Variants in NRG3 observed in about 807,000 individuals in gnomAD.
NRG3 encodes the protein neuregulin 3, also known as pro-neuregulin-3, membrane-bound isoform.
NRG3 carries 31 observed loss-of-function variants against 66.9 expected under a neutral mutation model. The observed-to-expected ratio is 0.46, with a 90% CI of 0.35 to 0.63. NRG3 has a LOEUF of 0.63. NRG3 is among the 20% of genes least tolerant of loss of function. The pLI is 0.00. For missense variants in NRG3, 910 were observed against 878.9 expected (o/e 1.04, Z -0.45); for synonymous variants, 393 against 359.4 (o/e 1.09, Z -1.06).
chr10:82,719,132 G>A (rs1214725023), intron 2 of NRG3, among the ~76,000 whole-genome samples: 1 of 152,184 alleles, frequency 6.6e-6, no homozygotes, highest in Non-Finnish European at 1.5e-5. Context: ...GTGCAGTGAG[G>A]AAGTAGTGAA....
At chr10:82,455,276 G>A (rs57485504) in intron 2 of NRG3, among the ~76,000 whole-genome samples, 1 of 152,148 alleles carries the variant, frequency 6.6e-6, no homozygotes, top group African/African-American at 2.4e-5. Flanking sequence ...GTGTACTTAA[G>A]CAAACATACA....
At chr10:82,271,863 G>A (rs1252707305) in intron 1 of NRG3, among the ~76,000 whole-genome samples, 1 of 151,996 alleles carries the variant, frequency 6.6e-6, no homozygotes, top group Non-Finnish European at 1.5e-5. Context: ...TCCTGATGAT[G>A]TTATTAAATA....
At position 82,166,105 on chromosome 10, in the gene NRG3, C is replaced by T. The variant is rs2072036044; in HGVS notation, c.824-192634C>T. On this transcript the variant is annotated intron_variant, in intron 1 of 8. Transcript: ENST00000372141. ...CAGCGCGATCTCAGCTCACCACAAC[C>T]TCCGCCTCCCAGGTTCAAGCAATTC... Among the ~76,000 whole-genome samples, 6 of 152,260 alleles carry T rather than the reference C, an allele frequency of 3.9e-5. No homozygotes were observed. In the South Asian group the frequency reaches 1.2e-3, roughly 32 times the overall value.
intron 4 of NRG3, among the ~76,000 whole-genome samples, chr10:82,931,316 T>C (rs1157582550): frequency 6.6e-6 from 1 of 152,218 alleles, no homozygotes; most frequent in East Asian, 1.9e-4. Context: ...CCATCTGACT[T>C]CAAGGTTAAA....
At chr10:82,558,859 A>G (rs891947693) in intron 2 of NRG3, among the ~76,000 whole-genome samples, 2 of 152,118 alleles carry the variant, frequency 1.3e-5, no homozygotes, top group Admixed American at 6.6e-5. Flanking sequence ...TATCGGATAT[A>G]TAGTCTTCCA....
At chr10:82,610,956 AT>A (rs2048276422) in intron 2 of NRG3, among the ~76,000 whole-genome samples, 1 of 152,070 alleles carries the variant, frequency 6.6e-6, no homozygotes, top group Non-Finnish European at 1.5e-5. Context: ...ACAACTCAAT[AT>A]TTTTTTGAAC....
intron 2 of NRG3, among the ~76,000 whole-genome samples, chr10:82,552,385 C>T (rs1160204096): frequency 1.3e-5 from 2 of 152,136 alleles, no homozygotes; most frequent in East Asian, 3.9e-4. Context: ...TTATTTGATG[C>T]ATTTTAATAC....
At chr10:82,377,433 CGCGTGTGT>C (rs1024917349) in intron 2 of NRG3, among the ~76,000 whole-genome samples, 7 of 121,876 alleles carry the variant, frequency 5.7e-5, no homozygotes, top group Non-Finnish European at 1.1e-4. Context: ...TGTGTGTGTG[CGCGTGTGT>C]GTGTGTGTGT....
intron 1 of NRG3, among the ~76,000 whole-genome samples, chr10:81,909,195 T>C (rs1564648990): frequency 6.6e-6 from 1 of 152,200 alleles, no homozygotes; most frequent in Non-Finnish European, 1.5e-5. Context: ...CTTCACATAG[T>C]CTTCTCATTT....
At chr10:82,240,495 G>T (rs766345079) in intron 1 of NRG3, among the ~76,000 whole-genome samples, 1 of 152,140 alleles carries the variant, frequency 6.6e-6, no homozygotes, top group African/African-American at 2.4e-5. Context: ...TAGAACTGAA[G>T]GGAAGATGAA....
chr10:82,558,465 A>T (rs1590663154), intron 2 of NRG3, among the ~76,000 whole-genome samples: 1 of 152,192 alleles, frequency 6.6e-6, no homozygotes, highest in Middle Eastern at 3.4e-3. Flanking sequence ...CACTGCACAT[A>T]ACTCAGGCCC....
intron 6 of NRG3, among the ~76,000 whole-genome samples, chr10:82,961,168 C>A (rs546335775): frequency 6.6e-6 from 1 of 152,120 alleles, no homozygotes; most frequent in Admixed American, 6.5e-5. Context: ...TGCTAGAGAA[C>A]TTAATGTAAG....
chr10:82,048,947 T>C (rs574087127), intron 1 of NRG3, among the ~76,000 whole-genome samples: 1 of 152,112 alleles, frequency 6.6e-6, no homozygotes, highest in African/African-American at 2.4e-5. Flanking sequence ...AAATACAAAC[T>C]ACCAACAGAG....
chr10:82,699,746 T>C (rs1451745272), intron 2 of NRG3, among the ~76,000 whole-genome samples: 2 of 152,036 alleles, frequency 1.3e-5, no homozygotes, highest in African/African-American at 4.8e-5. Context: ...ACCCCTATGG[T>C]CCATGGCCCC....
intron 2 of NRG3, among the ~76,000 whole-genome samples, chr10:82,495,418 A>G (rs1387982062): frequency 6.6e-6 from 1 of 151,220 alleles, no homozygotes; most frequent in African/African-American, 2.4e-5. Context: ...GCTTTTTCCT[A>G]CTTGATTTTT....
At chr10:81,997,421 C>G (rs1419111682) in intron 1 of NRG3, among the ~76,000 whole-genome samples, 2 of 152,226 alleles carry the variant, frequency 1.3e-5, no homozygotes, top group African/African-American at 4.8e-5. Flanking sequence ...ATGCCTTCTC[C>G]TCCAGGAATG....
chr10:82,433,445 G>T (rs2089948803), intron 2 of NRG3, among the ~76,000 whole-genome samples: 1 of 152,088 alleles, frequency 6.6e-6, no homozygotes, highest in African/African-American at 2.4e-5. Flanking sequence ...AATTTCTTTT[G>T]CTGTGCAGAA....
chr10:82,945,312 G>A (rs1848914471), intron 4 of NRG3, among the ~76,000 whole-genome samples: 1 of 152,130 alleles, frequency 6.6e-6, no homozygotes, highest in Admixed American at 6.5e-5. Context: ...TGAGGCCAGG[G>A]TACAAGTGCT....
At chr10:82,065,950 A>T (rs1025981929) in intron 1 of NRG3, among the ~76,000 whole-genome samples, 3 of 152,164 alleles carry the variant, frequency 2.0e-5, no homozygotes, top group Non-Finnish European at 4.4e-5. Flanking sequence ...TCAATTTAGA[A>T]ATTTTGCAAA....
Sources: gnomAD v4.1 joint callset for allele counts (sites outside exome capture counted in the v4.1 genomes callset) on GRCh38, gnomAD v4.1.1 for gene constraint, MANE v1.5 for transcripts, NCBI Gene and HGNC (gene_info 2026-07-23, HGNC 2026-07-21) for gene names.